PNPLA8: variants seen among roughly 807,000 people sequenced by gnomAD.
The protein encoded by PNPLA8 is calcium-independent phospholipase A2-gamma.
PNPLA8 carries 39 observed loss-of-function variants against 76.9 expected under a neutral mutation model. The ratio of observed to expected loss-of-function variants is 0.51; its 90% CI spans 0.39 to 0.66. The LOEUF (loss-of-function observed/expected upper bound fraction) is 0.66. PNPLA8 is among the 30% of genes least tolerant of loss of function. PNPLA8 has a pLI of 0.00. For synonymous variants in PNPLA8, 301 were observed against 307.9 expected (o/e 0.98, Z 0.24); for missense variants, 887 against 918.0 (o/e 0.97, Z 0.44).
At chr7:108,499,232 G>C (rs1319015057) in intron 5 of PNPLA8, among the ~76,000 whole-genome samples, 1 of 152,148 alleles carries the variant, frequency 6.6e-6, no homozygotes, top group Non-Finnish European at 1.5e-5. Context: ...ATAATCTTAA[G>C]AGTTGTGAGC....
At chr7:108,511,228 T>C (rs1241097984) in intron 4 of PNPLA8, among the ~76,000 whole-genome samples, 1 of 152,188 alleles carries the variant, frequency 6.6e-6, no homozygotes, top group Admixed American at 6.5e-5. Context: ...TAGACATTGG[T>C]CATTCTGCAA....
Position 108,479,337 on chromosome 7 carries a change from G to T in PNPLA8, c.1921C>A (p.His641Asn). Reference sequence around the variant, plus strand: ...TCTGGCCAAAGACATTTACACTCATGCATAGCTAATGCCGAAGGGTTATTC... The same window carrying T: ...TCTGGCCAAAGACATTTACACTCATTCATAGCTAATGCCGAAGGGTTATTC... ...LLNNPSALAM[H>N]ECKCLWPDVP... The change falls in exon 10 of 11, where the codon CAT becomes AAT. Residue 641 changes from histidine to asparagine, a missense_variant. Transcript: ENST00000257694. 1 of 1,613,574 alleles carries T rather than the reference G, an allele frequency of 6.2e-7. No homozygotes were observed. The highest frequency in any genetic ancestry group is 8.5e-7 in the Non-Finnish European group (1 of 1,179,558).
intron 4 of PNPLA8, chr7:108,510,094 G>T (rs1443606625): frequency 7.6e-5 from 38 of 502,800 alleles, no homozygotes; most frequent in Non-Finnish European, 1.1e-4. Flanking sequence ...GAGTTAGTGG[G>T]TGCAGCGCAC....
At chr7:108,521,751 T>C (rs1313813390) in intron 1 of PNPLA8, among the ~76,000 whole-genome samples, 1 of 151,942 alleles carries the variant, frequency 6.6e-6, no homozygotes, top group East Asian at 1.9e-4. Flanking sequence ...AACCCACAAT[T>C]TGGAGACAAA....
intron 2 of PNPLA8, among the ~76,000 whole-genome samples, chr7:108,520,986 C>T (rs1262042092): frequency 6.6e-6 from 1 of 152,044 alleles, no homozygotes; most frequent in African/African-American, 2.4e-5. Flanking sequence ...GACCCACAGG[C>T]CTGGAACAGC....
At chr7:108,520,493 G>A (rs1863657932) in intron 2 of PNPLA8, among the ~76,000 whole-genome samples, 1 of 152,092 alleles carries the variant, frequency 6.6e-6, no homozygotes, top group South Asian at 2.1e-4. Context: ...TAATGGGTAC[G>A]AACATACAGT....
chr7:108,512,951 T>C (rs1457853141), intron 4 of PNPLA8, among the ~76,000 whole-genome samples: 1 of 152,138 alleles, frequency 6.6e-6, no homozygotes, highest in Admixed American at 6.5e-5. Flanking sequence ...CAACTGGCCT[T>C]GTAAAAGAGG....
intron 2 of PNPLA8, among the ~76,000 whole-genome samples, chr7:108,516,361 G>A (rs938030173): frequency 6.6e-6 from 1 of 152,126 alleles, no homozygotes; most frequent in Admixed American, 6.5e-5. Flanking sequence ...GTAATACAAT[G>A]GGGCAAAAAT....
chr7:108,483,409 G>T (rs1471575458), intron 9 of PNPLA8, among the ~76,000 whole-genome samples: 2 of 152,172 alleles, frequency 1.3e-5, no homozygotes, highest in African/African-American at 2.4e-5. Context: ...TAGCATGGGT[G>T]GTTTGTTGCC....
chr7:108,515,036 T>C lies in PNPLA8; in HGVS notation c.456A>G (p.Gln152=), dbSNP rs1196058494. The change falls in exon 3 of 11, where the codon CAA becomes CAG. Residue 152 remains glutamine, a synonymous_variant. Transcript: ENST00000257694. ...SGWLKQKNIK[Q]AIKSLKKYSD... ...TATATTTTTTCAGAGATTTGATGGC[T>C]TGTTTGATGTTTTTCTGTTTTAACC... 2.5e-6 allele frequency: 4 copies of C among 1,607,844 alleles called. No homozygotes were observed. The highest frequency in any genetic ancestry group is 1.7e-5 in the Admixed American group (1 of 59,916).
intron 4 of PNPLA8, chr7:108,511,040 GAAAAAAAAAAAA>G (rs60102827): frequency 1.4e-5 from 5 of 366,974 alleles, no homozygotes; most frequent in South Asian, 5.5e-5. Flanking sequence ...TCTCAAATTG[GAAAAAAAAAAAA>G]AAAAAAAGAA....
At chr7:108,507,649 A>G (rs1862558521) in intron 4 of PNPLA8, among the ~76,000 whole-genome samples, 1 of 152,168 alleles carries the variant, frequency 6.6e-6, no homozygotes, top group East Asian at 1.9e-4. Flanking sequence ...CTCCCAAAAA[A>G]AGAAAAAGAA....
chr7:108,490,191 G>A (rs950926670), intron 8 of PNPLA8, among the ~76,000 whole-genome samples: 1 of 152,066 alleles, frequency 6.6e-6, no homozygotes, highest in Non-Finnish European at 1.5e-5. Flanking sequence ...CTGCTGTACA[G>A]GTTTATAGCC....
intron 4 of PNPLA8, among the ~76,000 whole-genome samples, chr7:108,511,295 C>T (rs554862798): frequency 6.6e-6 from 1 of 152,250 alleles, no homozygotes; most frequent in African/African-American, 2.4e-5. Context: ...TGAGATAATG[C>T]TTCTAGCACA....
intron 5 of PNPLA8, among the ~76,000 whole-genome samples, chr7:108,500,909 C>T (rs1598919809): frequency 1.3e-5 from 2 of 149,448 alleles, no homozygotes; most frequent in South Asian, 2.1e-4. Flanking sequence ...AGCAAAACTC[C>T]GTCTCAAAAA....
chr7:108,483,652 T>C (rs1860553093), intron 9 of PNPLA8, among the ~76,000 whole-genome samples: 1 of 152,248 alleles, frequency 6.6e-6, no homozygotes, highest in South Asian at 2.1e-4. Flanking sequence ...CATTCACCAG[T>C]TGAAAAGAAC....
intron 5 of PNPLA8, among the ~76,000 whole-genome samples, chr7:108,501,831 A>C (rs1861971853): frequency 6.6e-6 from 1 of 152,180 alleles, no homozygotes; most frequent in African/African-American, 2.4e-5. Context: ...CTCCAAAAAA[A>C]TAAAATAATA....
intron 10 of PNPLA8, among the ~76,000 whole-genome samples, chr7:108,476,104 C>T (rs1859971976): frequency 1.3e-5 from 2 of 152,194 alleles, no homozygotes; most frequent in Admixed American, 6.5e-5. Flanking sequence ...TAGCAATTCA[C>T]CACAGATTAA....
intron 2 of PNPLA8, among the ~76,000 whole-genome samples, chr7:108,519,332 T>G (rs929267694): frequency 6.6e-6 from 1 of 152,120 alleles, no homozygotes; most frequent in East Asian, 1.9e-4. Flanking sequence ...CCTAGGAATC[T>G]GAGGCTGCAG....
Sources: allele counts gnomAD v4.1 joint callset (sites outside exome capture counted in the v4.1 genomes callset), GRCh38; gene constraint gnomAD v4.1.1; transcripts MANE v1.5; gene names NCBI Gene and HGNC (gene_info 2026-07-23, HGNC 2026-07-21).